Variants in TOX2 observed in about 807,000 individuals in gnomAD.
TOX2 encodes TOX high mobility group box family member 2.
TOX2 carries 15 observed loss-of-function variants against 47.4 expected under a neutral mutation model. The observed-to-expected ratio is 0.32, with a 90% CI of 0.21 to 0.49. TOX2 has a LOEUF of 0.49. Among genes scored for constraint, TOX2 ranks in the 20% least tolerant of loss-of-function variants. The pLI is 0.99. For missense variants in TOX2, 622 were observed against 673.1 expected (o/e 0.92, Z 0.84); for synonymous variants, 290 against 296.6 (o/e 0.98, Z 0.23).
At chr20:44,029,627 C>T (rs971666016) in intron 3 of TOX2, among the ~76,000 whole-genome samples, 12 of 152,178 alleles carry the variant, frequency 7.9e-5, no homozygotes, top group African/African-American at 2.9e-4. Context: ...CAGTCACCCG[C>T]TTCTGCAGTT....
chr20:44,066,681 G>A, intron 7 of TOX2, 49 bp from the exon 8 acceptor site: 1 of 1,613,414 alleles, frequency 6.2e-7, no homozygotes, highest in Non-Finnish European at 8.5e-7. Flanking sequence ...GGGACAGTCT[G>A]CCCCCTCATC....
chr20:44,033,681 CAAA>C (rs756841511), intron 3 of TOX2, among the ~76,000 whole-genome samples: 166 of 129,880 alleles, frequency 1.3e-3, no homozygotes, highest in African/African-American at 4.2e-3. Context: ...ACGGTTCATC[CAAA>C]AAAAAAAAAA....
At chr20:43,993,377 G>C (rs769899211) in intron 2 of TOX2, among the ~76,000 whole-genome samples, 1 of 152,174 alleles carries the variant, frequency 6.6e-6, no homozygotes, top group Non-Finnish European at 1.5e-5. Flanking sequence ...GGACTAGGAT[G>C]GTTGCTCTGC....
intron 2 of TOX2, among the ~76,000 whole-genome samples, chr20:43,996,812 A>G (rs1159814385): frequency 6.6e-6 from 1 of 152,100 alleles, no homozygotes; most frequent in East Asian, 1.9e-4. Flanking sequence ...AGCAAGTAAG[A>G]TTCCCCATGT....
chr20:43,951,705 A>ATTTTTTTTTTTTTTTTTTTTTTTTTT (rs1212223106), intron 1 of TOX2, among the ~76,000 whole-genome samples: 8 of 30,380 alleles, frequency 2.6e-4, no homozygotes, highest in South Asian at 1.4e-3. Flanking sequence ...TAAACTTATT[A>ATTTTTTTTTTTTTTTTTTTTTTTTTT]TGTTTTTTTT....
At position 44,006,613 on chromosome 20, in the gene TOX2, C is replaced by T. The variant is rs1366813748; in HGVS notation, c.232C>T (p.Pro78Ser). 1 of 1,614,128 alleles carries T rather than the reference C, an allele frequency of 6.2e-7. No individual in the cohort carries two copies. Among genetic ancestry groups the T allele is most frequent in the Admixed American group, 1.7e-5 (1 of 60,026 alleles). The change falls in exon 3 of 9, where the codon CCG (proline) becomes TCG (serine). Residue 78 changes from proline to serine, a missense_variant. Pro to Ser is a moderately conservative substitution (Grantham distance 74). Transcript: ENST00000341197. ...CCCCCCGATAACACCTCCCAACCTC[C>T]CGGAGCCATCCCTCCTGCACCTGGG... The part of the protein sequence containing the change: ...EIPPITPPNL[P>S]EPSLLHLGDH...
At chr20:43,965,719 G>T (rs1278472870) in intron 1 of TOX2, among the ~76,000 whole-genome samples, 2 of 152,212 alleles carry the variant, frequency 1.3e-5, no homozygotes, top group African/African-American at 4.8e-5. Context: ...TTTCGCCTCA[G>T]CACATTTGAA....
At chr20:43,951,158 C>G (rs1005832896) in intron 1 of TOX2, among the ~76,000 whole-genome samples, 5 of 152,154 alleles carry the variant, frequency 3.3e-5, no homozygotes, top group Admixed American at 2.6e-4. Context: ...AGGAGGGACC[C>G]TTGCAGTAGT....
chr20:43,915,677 A>G lies in TOX2; in HGVS notation c.99+687A>G, dbSNP rs1347113343. Among the ~76,000 whole-genome samples, 4 of 152,226 alleles carry G rather than the reference A, an allele frequency of 2.6e-5. No individual in the cohort carries two copies. The highest frequency in any genetic ancestry group is 7.2e-5 in the African/African-American group (3 of 41,454). ...CTCGCGCGTCGAGGTTTAACTTCTC[A>G]GCGCCGCAGCACACTAATTGGGCAG... On this transcript the variant is annotated intron_variant, in intron 1 of 8. Coordinates refer to ENST00000341197, the MANE Select transcript of TOX2 (RefSeq NM_001098797.2). This position sits in a 1 kb window ranked among gnomAD's most constrained non-coding sequence, Gnocchi z 7.1.
intron 1 of TOX2, among the ~76,000 whole-genome samples, chr20:43,923,024 T>C (rs1029230116): frequency 4.3e-4 from 35 of 81,568 alleles, no homozygotes; most frequent in African/African-American, 9.7e-4. Flanking sequence ...GGTTTCACAA[T>C]GGCAGTCTTA....
At chr20:43,956,084 C>T (rs559500789) in intron 1 of TOX2, among the ~76,000 whole-genome samples, 21 of 152,348 alleles carry the variant, frequency 1.4e-4, no homozygotes, top group South Asian at 4.1e-4. Flanking sequence ...CCTCTGCCCT[C>T]GCCTGGCTAG....
At chr20:44,013,258 T>G (rs745735692) in intron 3 of TOX2, among the ~76,000 whole-genome samples, 2 of 152,180 alleles carry the variant, frequency 1.3e-5, no homozygotes, top group Non-Finnish European at 2.9e-5. Flanking sequence ...TGGGAGGTGC[T>G]TGATATACCT....
At chr20:43,956,593 G>A (rs1326128765) in intron 1 of TOX2, among the ~76,000 whole-genome samples, 1 of 144,968 alleles carries the variant, frequency 6.9e-6, no homozygotes, top group African/African-American at 2.6e-5. Flanking sequence ...ACTGTTTTCT[G>A]TATATCACTT....
At chr20:43,996,656 G>GGT (rs144821338) in intron 2 of TOX2, among the ~76,000 whole-genome samples, 7 of 151,164 alleles carry the variant, frequency 4.6e-5, no homozygotes, top group Non-Finnish European at 1.0e-4. Context: ...TTCTTGCTTG[G>GGT]GTGTGTGTGT....
At chr20:44,060,175 TAAAACTA>T (rs2071692544) in intron 5 of TOX2, among the ~76,000 whole-genome samples, 2 of 152,078 alleles carry the variant, frequency 1.3e-5, no homozygotes, top group Non-Finnish European at 2.9e-5. Flanking sequence ...CATTATATAA[TAAAACTA>T]GTCCAACAGG....
Position 43,921,915 on chromosome 20 carries a change from T to C in TOX2, c.99+6925T>C, listed in dbSNP as rs558086046. Among the ~76,000 whole-genome samples, 524 of 152,312 alleles carry C rather than the reference T, an allele frequency of 3.4e-3. 3 individuals are homozygous for C. Among genetic ancestry groups the C allele is most frequent in the Non-Finnish European group, 6.3e-3 (427 of 68,034 alleles). On this transcript the variant is annotated intron_variant, in intron 1 of 8. Coordinates refer to ENST00000341197, the MANE Select transcript of TOX2 (RefSeq NM_001098797.2). ...GCCTCTGGGTTGAAGGAGCCTCTTA[T>C]TGGAGTGTCCAGGATTATGAATTGG...
intron 1 of TOX2, among the ~76,000 whole-genome samples, chr20:43,926,475 C>T (rs934111586): frequency 6.6e-6 from 1 of 152,174 alleles, no homozygotes; most frequent in African/African-American, 2.4e-5. Flanking sequence ...AATTGCATCT[C>T]AGGTTGGTGG....
At position 43,914,877 on chromosome 20, in the gene TOX2, GC is replaced by G. The variant is rs1187206280; in HGVS notation, c.-13del. The G allele has an allele frequency of 1.0e-6, 1 of 1,000,478 alleles. No individual in the cohort carries two copies. Among genetic ancestry groups the G allele is most frequent in the Non-Finnish European group, 1.2e-6 (1 of 841,634 alleles). The allele number at this position is 1,000,478 out of a possible 1,614,324, so 62.0% of individuals were successfully genotyped here. On this transcript the variant is annotated 5_prime_UTR_variant, in exon 1 of 9. Transcript: ENST00000341197. This position sits in a 1 kb window ranked among gnomAD's most constrained non-coding sequence, Gnocchi z 4.5. ...ACTGCCCGCGGGAGCCGCCGCCGCCGCCGCCGCGCCCGCCATGGACGTCCGC... is the reference window on the plus strand; with the variant it reads ...ACTGCCCGCGGGAGCCGCCGCCGCCGCGCCGCGCCCGCCATGGACGTCCGC...
chr20:43,923,360 C>A (rs551022770), intron 1 of TOX2, among the ~76,000 whole-genome samples: 21 of 152,286 alleles, frequency 1.4e-4, no homozygotes, highest in African/African-American at 4.6e-4. Context: ...CATTTGATTT[C>A]CCCCAGTAGC....
Sources: allele counts gnomAD v4.1 joint callset (sites outside exome capture counted in the v4.1 genomes callset), GRCh38; gene constraint gnomAD v4.1.1; non-coding constraint Gnocchi (gnomAD v3.1); transcripts MANE v1.5; gene names NCBI Gene and HGNC (gene_info 2026-07-23, HGNC 2026-07-21).